SVIL: variants seen among roughly 807,000 people sequenced by gnomAD.
SVIL encodes archvillin.
A neutral mutation model predicts 240.4 loss-of-function variants in SVIL; 101 were observed. The observed-to-expected ratio is 0.42, with a 90% CI of 0.36 to 0.50. SVIL has a LOEUF of 0.50. Among genes scored for constraint, SVIL ranks in the 20% least tolerant of loss-of-function variants. The pLI, the probability that SVIL is intolerant of heterozygous loss-of-function variation, is 0.01. For missense variants in SVIL, 2,512 were observed against 2,818.7 expected (o/e 0.89, Z 2.46); for synonymous variants, 999 against 1,100.0 (o/e 0.91, Z 1.82).
Position 29,523,179 on chromosome 10 carries a change from T to C in SVIL, c.3163+272A>G, listed in dbSNP as rs535339809. On this transcript the variant is annotated intron_variant, in intron 15 of 37. Transcript: ENST00000355867. ...AATTTCTAAAAGGGGCCACCAGAACTAAGCAGCTCAGAAGGCCATTGTGTG... is the reference window on the plus strand; with the variant it reads ...AATTTCTAAAAGGGGCCACCAGAACCAAGCAGCTCAGAAGGCCATTGTGTG... Among the ~76,000 whole-genome samples, 3 of 152,204 alleles carry C rather than the reference T, an allele frequency of 2.0e-5. No individual in the cohort carries two copies. The East Asian group carries it at 5.8e-4, about 29-fold the overall frequency.
intron 2 of SVIL, among the ~76,000 whole-genome samples, chr10:29,664,050 G>A (rs1175515302): frequency 6.6e-6 from 1 of 152,108 alleles, no homozygotes; most frequent in African/African-American, 2.4e-5. Flanking sequence ...TGCTGCCATT[G>A]GATGACCTTC....
intron 1 of SVIL, among the ~76,000 whole-genome samples, chr10:29,704,698 T>A (rs776810537): frequency 6.6e-6 from 1 of 152,168 alleles, no homozygotes; most frequent in Non-Finnish European, 1.5e-5. Context: ...ACGATCATCA[T>A]TTATTGGTGA....
intron 21 of SVIL, among the ~76,000 whole-genome samples, chr10:29,491,892 G>A (rs1332971118): frequency 6.6e-6 from 1 of 152,242 alleles, no homozygotes; most frequent in African/African-American, 2.4e-5. Context: ...ATACTATTTT[G>A]AAGTAGAAAA....
intron 13 of SVIL, 43 bp downstream of exon 13, chr10:29,526,918 A>G (rs1589119209): frequency 6.9e-7 from 1 of 1,455,474 alleles, no homozygotes; most frequent in Non-Finnish European, 9.1e-7. Flanking sequence ...GCTGTTCGGC[A>G]CCTTTGCACC....
chr10:29,524,069 T>A (rs748258063), intron 14 of SVIL, 42 bp from the exon 15 acceptor site: 3 of 1,524,308 alleles, frequency 2.0e-6, no homozygotes, highest in Non-Finnish European at 2.7e-6. Flanking sequence ...GCTTGAAAAA[T>A]ATCATCTATA....
Position 29,522,602 on chromosome 10 carries a change from G to A in SVIL, c.3197C>T (p.Thr1066Met), listed in dbSNP as rs747349151. Residue 1066 changes from threonine to methionine, a missense_variant, in exon 16 of 38, where the codon ACG (threonine) becomes ATG (methionine). Around this residue, in one of 3 missense-constraint regions of SVIL, gnomAD observed 1,443 missense variants for 1,486.6 expected, o/e 0.97. Transcript: ENST00000355867. ...AEFGEPTSEQ[T>M]GTAAGKTIAQ... ...AATAGTTTTCCCAGCAGCTGTCCCCGTCTGCTCGGAAGTGGGCTCCCCGAA... is the reference window on the plus strand; with the variant it reads ...AATAGTTTTCCCAGCAGCTGTCCCCATCTGCTCGGAAGTGGGCTCCCCGAA... 5 of 1,613,990 alleles carry A rather than the reference G, an allele frequency of 3.1e-6. No homozygotes were observed. The highest frequency in any genetic ancestry group is 2.2e-5 in the East Asian group (1 of 44,892).
rs570895828 is a variant in SVIL, at chr10:29,720,805, T to C, written c.-400+14946A>G. Among the ~76,000 whole-genome samples, 18 of 152,340 alleles carry C rather than the reference T, an allele frequency of 1.2e-4. No homozygotes were observed. In the South Asian group the frequency reaches 3.5e-3, roughly 30 times the overall value. ...ATATGTGAAGTGATATAATATCACT[T>C]AAAGGTAGACTATGATAACTTAAAG... On this transcript the variant is annotated intron_variant, in intron 1 of 35. Transcript: ENST00000375400.
At chr10:29,520,608 C>T (rs1950497668) in intron 16 of SVIL, among the ~76,000 whole-genome samples, 1 of 152,092 alleles carries the variant, frequency 6.6e-6, no homozygotes, top group East Asian at 1.9e-4. Flanking sequence ...AGAAGCTTGG[C>T]TTAAAACTAG....
At chr10:29,506,254 T>C (rs915534315) in intron 17 of SVIL, among the ~76,000 whole-genome samples, 1 of 152,014 alleles carries the variant, frequency 6.6e-6, no homozygotes, top group Non-Finnish European at 1.5e-5. Context: ...ACAAGCTCAT[T>C]TCCCCCGTTC....
At chr10:29,512,913 G>C (rs1199617393) in intron 16 of SVIL, 52 bp from the exon 17 acceptor site, 3 of 1,588,984 alleles carry the variant, frequency 1.9e-6, no homozygotes, top group East Asian at 4.5e-5. Flanking sequence ...ACTCTTCCTT[G>C]TGATGGAACC....
chr10:29,676,411 A>T (rs1039419392), intron 2 of SVIL, among the ~76,000 whole-genome samples: 2 of 152,194 alleles, frequency 1.3e-5, no homozygotes, highest in African/African-American at 4.8e-5. Flanking sequence ...CGCACAATAT[A>T]AACTCTTTGA....
At chr10:29,559,756 G>A (rs1233750105) in intron 3 of SVIL, among the ~76,000 whole-genome samples, 1 of 152,124 alleles carries the variant, frequency 6.6e-6, no homozygotes, top group Non-Finnish European at 1.5e-5. Context: ...GACTCTGTGA[G>A]TCTATTTCTT....
chr10:29,671,801 C>T (rs1040069048), intron 2 of SVIL, among the ~76,000 whole-genome samples: 1 of 152,218 alleles, frequency 6.6e-6, no homozygotes, highest in African/African-American at 2.4e-5. Flanking sequence ...CCTCTGCCAA[C>T]ACTGAACTAG....
intron 16 of SVIL, 73 bp downstream of exon 16, chr10:29,522,337 G>A: frequency 7.0e-7 from 1 of 1,419,796 alleles, no homozygotes; most frequent in Admixed American, 1.8e-5. Flanking sequence ...GCCCATCACC[G>A]AGATTGTTTT....
rs1201176747 is a variant in SVIL, at chr10:29,727,850, C to T, written c.-400+7901G>A. Among the ~76,000 whole-genome samples, 5 of 152,092 alleles carry T rather than the reference C, an allele frequency of 3.3e-5. No individual in the cohort carries two copies. The East Asian group carries it at 9.6e-4, about 29-fold the overall frequency. On this transcript the variant is annotated intron_variant, in intron 1 of 35. Coordinates refer to the SVIL transcript ENST00000375400. Reference sequence around the variant, plus strand: ...GGGTGCACTGCAAACAGTGCTAGACCCCCTGGCTGCTCAGGACCAACGGTA... The same window carrying T: ...GGGTGCACTGCAAACAGTGCTAGACTCCCTGGCTGCTCAGGACCAACGGTA...
chr10:29,663,125 A>C (rs1453683582), intron 2 of SVIL, among the ~76,000 whole-genome samples: 1 of 152,088 alleles, frequency 6.6e-6, no homozygotes, highest in East Asian at 1.9e-4. Context: ...AAATAATAGT[A>C]ATAATAAAAG....
At chr10:29,471,099 G>A in intron 31 of SVIL, 39 bp downstream of exon 31, 1 of 1,568,952 alleles carries the variant, frequency 6.4e-7, no homozygotes, top group Non-Finnish European at 8.7e-7. Flanking sequence ...CCAAGAGAGG[G>A]AAAGGCAAAG....
chr10:29,502,167 G>A (rs1948945391), intron 17 of SVIL, among the ~76,000 whole-genome samples: 1 of 152,094 alleles, frequency 6.6e-6, no homozygotes, highest in African/African-American at 2.4e-5. Context: ...AAACATAAAT[G>A]TTTTTGTTTT....
At position 29,487,051 on chromosome 10, in the gene SVIL, T is replaced by C. The variant is rs1209397120; in HGVS notation, c.4485+112A>G. The C allele has an allele frequency of 5.1e-6, 7 of 1,363,952 alleles. No homozygotes were observed. In the East Asian group the frequency reaches 1.7e-4, roughly 33 times the overall value. The allele number at this position is 1,363,952 out of a possible 1,614,324, so 84.5% of individuals were successfully genotyped here. A position where few individuals can be genotyped will look rare whatever the true frequency, so the allele number is the denominator to read the frequency against. Reference sequence around the variant, plus strand: ...AGAAATCCTACCTATCCCTTCTCACTTGAATGCAACACCTGGCTTTTGAGA... The same window carrying C: ...AGAAATCCTACCTATCCCTTCTCACCTGAATGCAACACCTGGCTTTTGAGA... On this transcript the variant is annotated intron_variant, in intron 24 of 37. Coordinates refer to ENST00000355867, the MANE Select transcript of SVIL (RefSeq NM_021738.3).
Sources: allele counts gnomAD v4.1 joint callset (sites outside exome capture counted in the v4.1 genomes callset), GRCh38; gene constraint gnomAD v4.1.1; regional missense constraint gnomAD v4.1.1; transcripts MANE v1.5; gene names NCBI Gene and HGNC (gene_info 2026-07-23, HGNC 2026-07-21).